ABCA12: variants seen among roughly 807,000 people sequenced by gnomAD.
ABCA12 encodes the protein glucosylceramide transporter ABCA12.
A neutral mutation model predicts 293.5 loss-of-function variants in ABCA12; 156 were observed. The observed-to-expected ratio is 0.53, with a 90% CI of 0.47 to 0.61. The LOEUF (loss-of-function observed/expected upper bound fraction) is 0.61, where lower values mean the gene tolerates loss of function less well. Among genes scored for constraint, ABCA12 ranks in the 20% least tolerant of loss-of-function variants. The pLI, the probability that ABCA12 is intolerant of heterozygous loss-of-function variation, is 0.00. For synonymous variants in ABCA12, 1,063 were observed against 1,108.0 expected, an observed-to-expected ratio of 0.96 and a Z score of 0.81; for missense variants, 2,797 against 3,090.2, an observed-to-expected ratio of 0.91 and a Z score of 2.25.
At chr2:215,125,252 G>T (rs1702897489) in intron 1 of ABCA12, among the ~76,000 whole-genome samples, 2 of 152,064 alleles carry the variant, frequency 1.3e-5, no homozygotes, top group South Asian at 4.2e-4. Flanking sequence ...CTCCAGATTT[G>T]TTCTTTTTGT....
chr2:214,973,934 T>C lies in ABCA12; in HGVS notation c.5562+15A>G, dbSNP rs769888029. 1.2e-6 allele frequency: 2 copies of C among 1,607,696 alleles called. No homozygotes were observed. The highest frequency in any genetic ancestry group is 3.3e-5 in the Admixed American group (2 of 60,002). Reference sequence around the variant, plus strand: ...CGTATTTTTCCCATTTCACTGAAACTGAATTCCATCTTACCTGGACATTTT... The same window carrying C: ...CGTATTTTTCCCATTTCACTGAAACCGAATTCCATCTTACCTGGACATTTT... On this transcript the variant is annotated intron_variant, in intron 36 of 52. Coordinates refer to ENST00000272895, the MANE Select transcript of ABCA12 (RefSeq NM_173076.3).
intron 2 of ABCA12, among the ~76,000 whole-genome samples, chr2:215,069,320 A>G (rs1189931330): frequency 6.6e-6 from 1 of 152,086 alleles, no homozygotes; most frequent in African/African-American, 2.4e-5. Context: ...CTTGTCAAGC[A>G]CCACAACAGG....
At chr2:215,018,232 G>A (rs1043298060) in intron 13 of ABCA12, 100 bp from the exon 14 acceptor site, 40 of 1,467,302 alleles carry the variant, frequency 2.7e-5, no homozygotes, top group African/African-American at 9.8e-5. Context: ...TAAGACATAC[G>A]TGCCTTCTCA....
rs367742572 is a variant in ABCA12 at position 214,937,854 on chromosome 2, T to C, written c.7437-239A>G. On this transcript the variant is annotated intron_variant, in intron 50 of 52. Coordinates refer to ENST00000272895, the MANE Select transcript of ABCA12 (RefSeq NM_173076.3). Reference sequence around the variant, plus strand: ...TCAGAGTCTTTGGGCAAAAATTGAGTTGAAAAGAAAACATAACATAAAATC... The same window carrying C: ...TCAGAGTCTTTGGGCAAAAATTGAGCTGAAAAGAAAACATAACATAAAATC... Among the ~76,000 whole-genome samples, 9 of 152,104 alleles carry C rather than the reference T, an allele frequency of 5.9e-5. No individual in the cohort carries two copies. In the South Asian group the frequency reaches 1.9e-3, roughly 32 times the overall value.
At chr2:214,933,957 G>A (rs549114317) in intron 52 of ABCA12, 121 bp downstream of exon 52, 10 of 1,070,986 alleles carry the variant, frequency 9.3e-6, no homozygotes, top group African/African-American at 4.8e-5. Flanking sequence ...AGTTTTTCAG[G>A]TGCAAGACTA....
In ABCA12 at chr2:215,019,050, G is replaced by C. The variant is rs532459533; in HGVS notation, c.1657+286C>G. 8.1e-4 allele frequency among the ~76,000 whole-genome samples: 124 copies of C among 152,306 alleles called. 1 individual carries two copies. Among genetic ancestry groups the C allele is most frequent in the African/African-American group, 2.8e-3 (116 of 41,570 alleles). ...TTGTTGCCCTTGCAGCTGACTATGGGATGAACTTTAATATATCAGAGAAAC... is the reference window on the plus strand; with the variant it reads ...TTGTTGCCCTTGCAGCTGACTATGGCATGAACTTTAATATATCAGAGAAAC... On this transcript the variant is annotated intron_variant, in intron 13 of 52. Coordinates refer to ENST00000272895, the MANE Select transcript of ABCA12 (RefSeq NM_173076.3).
intron 26 of ABCA12, 74 bp downstream of exon 26, chr2:214,989,255 T>C: frequency 1.5e-6 from 2 of 1,369,800 alleles, no homozygotes; most frequent in Non-Finnish European, 1.9e-6. Context: ...AATAAAATAT[T>C]AGAACATATT....
rs1224688230 is a variant in ABCA12 at position 214,986,699 on chromosome 2, C to T, written c.4006G>A (p.Glu1336Lys). 3 of 1,613,800 alleles carry T rather than the reference C, an allele frequency of 1.9e-6. No homozygotes were observed. The highest frequency in any genetic ancestry group is 2.2e-5 in the East Asian group (1 of 44,866). Residue 1336 changes from glutamate (E) to lysine (K), a missense_variant, in exon 28 of 53, where the codon GAG becomes AAG. This residue lies in a region of ABCA12 where 2,130 missense variants were observed against 2,427.0 expected (regional missense o/e 0.88). Coordinates refer to ENST00000272895, the MANE Select transcript of ABCA12 (RefSeq NM_173076.3). ...SPEYMFSSNI[E>K]PEPKDLTVGV... ...ACTGTGAGATCTTTAGGTTCAGGCT[C>T]GATGTTAGAGGAAAACATGTATTCA...
intron 1 of ABCA12, 78 bp from the exon 2 acceptor site, chr2:215,111,768 G>A (rs778743624): frequency 9.0e-6 from 9 of 1,000,490 alleles, no homozygotes; most frequent in Non-Finnish European, 1.4e-5. Flanking sequence ...CAAAAAGTAT[G>A]TCATACTATA....
intron 9 of ABCA12, among the ~76,000 whole-genome samples, chr2:215,030,667 A>G (rs1038750021): frequency 3.3e-5 from 5 of 151,884 alleles, no homozygotes; most frequent in African/African-American, 9.7e-5. Flanking sequence ...GAAATTGCCT[A>G]AGGGCTTGGT....
Position 215,134,591 on chromosome 2 carries a change from CTCTCTCTCTATA to C in ABCA12, c.69+3537_69+3548del, listed in dbSNP as rs1174515415. Among the ~76,000 whole-genome samples, 12 of 80,684 alleles carry C rather than the reference CTCTCTCTCTATA, an allele frequency of 1.5e-4. 2 individuals carry two copies. The highest frequency in any genetic ancestry group is 1.0e-3 in the African/African-American group (11 of 10,580). 52.9% of individuals were successfully genotyped at this position (80,684 alleles called of 152,430 possible). ...GTATATATATAATCTCTCTCTCTCT[CTCTCTCTCTATA>C]TATATATATATATAGAGAGAGAGAG... is the stretch of plus-strand genomic sequence containing the variant. On this transcript the variant is annotated intron_variant, in intron 1 of 52. Transcript: ENST00000272895.
chr2:215,134,385 C>CAT (rs1559213802), intron 1 of ABCA12, among the ~76,000 whole-genome samples: 1 of 117,394 alleles, frequency 8.5e-6, no homozygotes, highest in Non-Finnish European at 1.7e-5. Flanking sequence ...TATATATGTA[C>CAT]ATATATGTAT....
At position 214,982,210 on chromosome 2, in the gene ABCA12, T is replaced by C. The variant is rs1304120379; in HGVS notation, c.4556A>G (p.Asp1519Gly). 2 of 1,613,838 alleles carry C rather than the reference T, an allele frequency of 1.2e-6. No homozygotes were observed. The highest frequency in any genetic ancestry group is 1.7e-6 in the Non-Finnish European group (2 of 1,179,962). Residue 1519 changes from aspartate to glycine, a missense_variant, in exon 30 of 53, where the codon GAT becomes GGT. By Grantham distance (94) the Asp-to-Gly change is moderately conservative. Transcript: ENST00000272895. ...VDPCSRRSIW[D>G]VISKNKTART... The stretch of plus-strand genomic sequence containing the variant: ...ACCAGTTTTGTTCTTGGATATAACA[T>C]CCCATATACTTCGGCGAGAACATGG...
At position 215,009,064 on chromosome 2, in the gene ABCA12, T is replaced by C. The variant is rs1022648472; in HGVS notation, c.2473-1218A>G. ...ACCCTATTCACAACAGCAAAGACACTGAATCAACCTACATCCCTAACAATG... is the reference window on the plus strand; with the variant it reads ...ACCCTATTCACAACAGCAAAGACACCGAATCAACCTACATCCCTAACAATG... On this transcript the variant is annotated intron_variant, in intron 18 of 52. Coordinates refer to ENST00000272895, the MANE Select transcript of ABCA12 (RefSeq NM_173076.3). Among the ~76,000 whole-genome samples the C allele has an allele frequency of 3.3e-5, 5 of 152,216 alleles. No individual in the cohort carries two copies. In the South Asian group the frequency reaches 1.0e-3, roughly 32 times the overall value.
intron 11 of ABCA12, 196 bp downstream of exon 11, chr2:215,025,477 C>T: frequency 1.9e-6 from 1 of 525,492 alleles, no homozygotes; most frequent in Non-Finnish European, 3.3e-6. Context: ...TCTTTTGTCA[C>T]CATTTTTCTA....
At chr2:214,973,195 T>C (rs1699426505) in intron 36 of ABCA12, among the ~76,000 whole-genome samples, 1 of 152,214 alleles carries the variant, frequency 6.6e-6, no homozygotes, top group Non-Finnish European at 1.5e-5. Flanking sequence ...TGTTAGTATC[T>C]ATTTTGCATG....
At chr2:215,136,320 G>A (rs1291154135) in intron 1 of ABCA12, among the ~76,000 whole-genome samples, 1 of 152,080 alleles carries the variant, frequency 6.6e-6, no homozygotes, top group Non-Finnish European at 1.5e-5. Context: ...CACAAACACT[G>A]ACTAAAATGA....
rs777913976 is a variant in ABCA12 at position 214,978,299 on chromosome 2, C to T, written c.5128+17G>A. The T allele has an allele frequency of 1.2e-6, 2 of 1,613,726 alleles. No homozygotes were observed. Among genetic ancestry groups the T allele is most frequent in the East Asian group, 2.2e-5 (1 of 44,826 alleles). Reference sequence around the variant, plus strand: ...CATCCATTGGAATTAAACAAAATATCCACATTAGATTCATACCATCTCTGT... The same window carrying T: ...CATCCATTGGAATTAAACAAAATATTCACATTAGATTCATACCATCTCTGT... On this transcript the variant is annotated intron_variant, in intron 33 of 52. Transcript: ENST00000272895.
intron 39 of ABCA12, among the ~76,000 whole-genome samples, chr2:214,965,963 T>G (rs1699247838): frequency 6.6e-6 from 1 of 152,160 alleles, no homozygotes; most frequent in South Asian, 2.1e-4. Context: ...CTATTCACAA[T>G]AGCAAAGATA....
Sources: gnomAD v4.1 joint callset for allele counts (sites outside exome capture counted in the v4.1 genomes callset) on GRCh38, gnomAD v4.1.1 for gene constraint, gnomAD v4.1.1 regional missense constraint, MANE v1.5 for transcripts, NCBI Gene and HGNC (gene_info 2026-07-23, HGNC 2026-07-21) for gene names.